Variants in PKD1L1 observed in about 807,000 individuals in gnomAD.
PKD1L1 encodes polycystin 1 like 1, transient receptor potential channel interacting.
A neutral mutation model predicts 323.4 loss-of-function variants in PKD1L1; 236 were observed. That is an observed-to-expected ratio of 0.73 (90% CI 0.66 to 0.81). The LOEUF is 0.81. PKD1L1 is among the 40% of genes least tolerant of loss of function. The pLI is 0.00. For missense variants in PKD1L1, 3,320 were observed against 3,508.0 expected, an observed-to-expected ratio of 0.95 and a Z score of 1.35; for synonymous variants, 1,344 against 1,335.0, an observed-to-expected ratio of 1.01 and a Z score of -0.15.
chr7:47,896,874 T>A (rs1316322604), intron 14 of PKD1L1, among the ~76,000 whole-genome samples: 1 of 152,184 alleles, frequency 6.6e-6, no homozygotes, highest in Non-Finnish European at 1.5e-5. Flanking sequence ...CAGCCTCTAA[T>A]GACTTCTCAC....
chr7:47,923,923 G>A (rs917622989), intron 7 of PKD1L1, among the ~76,000 whole-genome samples: 7 of 151,536 alleles, frequency 4.6e-5, no homozygotes, highest in Admixed American at 2.0e-4. Flanking sequence ...ATGCTGGAGA[G>A]AATTTAACAA....
intron 1 of PKD1L1, among the ~76,000 whole-genome samples, chr7:47,945,823 A>G (rs1788082330): frequency 1.3e-5 from 2 of 152,076 alleles, no homozygotes; most frequent in Non-Finnish European, 2.9e-5. Context: ...CACCCCCACA[A>G]CAGGATAACT....
chr7:47,935,649 G>C (rs1427159146), intron 4 of PKD1L1, among the ~76,000 whole-genome samples: 1 of 152,232 alleles, frequency 6.6e-6, no homozygotes, highest in Non-Finnish European at 1.5e-5. Context: ...CCTAGGGGCT[G>C]AATCATGTGC....
chr7:47,798,745 ACT>A (rs1289707343), intron 54 of PKD1L1, among the ~76,000 whole-genome samples: 2 of 117,872 alleles, frequency 1.7e-5, no homozygotes, highest in Admixed American at 1.9e-4. Context: ...ACAGAGTGAG[ACT>A]CTGTCTCAAA....
In PKD1L1 at chr7:47,843,187, G is replaced by C; in HGVS notation, c.5238-18C>G. 4.4e-6 allele frequency: 7 copies of C among 1,573,952 alleles called. No individual in the cohort carries two copies. The highest frequency in any genetic ancestry group is 5.2e-6 in the Non-Finnish European group (6 of 1,153,102). Reference sequence around the variant, plus strand: ...CTGGGTGGCTATAAACAAAAGGAGAGATATAAAGAAAATTGCTCATGAAAA... The same window carrying C: ...CTGGGTGGCTATAAACAAAAGGAGACATATAAAGAAAATTGCTCATGAAAA... On this transcript the variant is annotated intron_variant, in intron 33 of 56. Transcript: ENST00000289672.
intron 49 of PKD1L1, among the ~76,000 whole-genome samples, chr7:47,812,707 C>T (rs573104376): frequency 6.6e-6 from 1 of 152,194 alleles, no homozygotes; most frequent in South Asian, 2.1e-4. Context: ...AACATGGGGT[C>T]GTGCTTGTTA....
At position 47,908,210 on chromosome 7, in the gene PKD1L1, A is replaced by G. The variant is rs1787248046; in HGVS notation, c.1269T>C (p.Phe423=). 6.2e-7 allele frequency: 1 copy of G among 1,614,116 alleles called. No individual in the cohort carries two copies. The highest frequency in any genetic ancestry group is 1.3e-5 in the African/African-American group (1 of 74,948). Residue 423 remains phenylalanine, a synonymous_variant, in exon 9 of 57, where the codon TTT becomes TTC. Coordinates refer to ENST00000289672, the MANE Select transcript of PKD1L1 (RefSeq NM_138295.5). Reference sequence around the variant, plus strand: ...GCCCAAGCTCCACTTCGGTTCCATGAAACTCGTTATAAATAACAGCCTTGA... The same window carrying G: ...GCCCAAGCTCCACTTCGGTTCCATGGAACTCGTTATAAATAACAGCCTTGA... The part of the protein sequence containing the change: ...YMLKAVIYNE[F]HGTEVELGPY...
intron 21 of PKD1L1, among the ~76,000 whole-genome samples, chr7:47,880,284 A>ATTTTTTTTTTTTTTTTTT (rs35198089): frequency 2.1e-4 from 12 of 56,772 alleles, no homozygotes; most frequent in African/African-American, 5.3e-4. Flanking sequence ...ATATATATAT[A>ATTTTTTTTTTTTTTTTTT]TTTTTTTTTT....
rs368231946 is a variant in PKD1L1, at chr7:47,815,445, G to A, written c.6978C>T (p.Asn2326=). The change falls in exon 47 of 57, where the codon AAC becomes AAT. Residue 2326 remains asparagine (N), a synonymous_variant. Transcript: ENST00000289672. ...CGATGTTTCTCAGGCCACCCAAGCA[G>A]TTTCTGGCATTTCTTAATGCAAGAA... The part of the protein sequence containing the change: ...IRKEFTRNAR[N]CLGGLRNIAD... 5.3e-5 allele frequency: 85 copies of A among 1,613,464 alleles called. No individual in the cohort carries two copies. The highest frequency in any genetic ancestry group is 3.3e-4 in the Middle Eastern group (2 of 6,080).
At chr7:47,824,010 T>G (rs183909805) in intron 45 of PKD1L1, among the ~76,000 whole-genome samples, 1 of 152,352 alleles carries the variant, frequency 6.6e-6, no homozygotes, top group East Asian at 1.9e-4. Context: ...AATGTGAGCC[T>G]CTTCAAACTG....
chr7:47,895,821 G>A (rs1786923240), intron 14 of PKD1L1, among the ~76,000 whole-genome samples: 1 of 152,164 alleles, frequency 6.6e-6, no homozygotes, highest in Non-Finnish European at 1.5e-5. Flanking sequence ...CATAGTTAAG[G>A]CTTGAGGAAT....
intron 12 of PKD1L1, among the ~76,000 whole-genome samples, chr7:47,903,396 A>G (rs1313717378): frequency 1.3e-5 from 2 of 152,164 alleles, no homozygotes; most frequent in Non-Finnish European, 2.9e-5. Context: ...CAGGGCACAA[A>G]AGGGCTTCTG....
intron 15 of PKD1L1, among the ~76,000 whole-genome samples, chr7:47,893,051 T>A (rs1436170082): frequency 6.6e-6 from 1 of 151,478 alleles, no homozygotes; most frequent in South Asian, 2.1e-4. Context: ...GCCAACATGG[T>A]GAAACCCATC....
chr7:47,776,805 C>T (rs4339543), intron 56 of PKD1L1, among the ~76,000 whole-genome samples: 18 of 152,016 alleles, frequency 1.2e-4, no homozygotes, highest in Non-Finnish European at 2.1e-4. Context: ...GACATTGCTC[C>T]GCAATAAAAT....
intron 28 of PKD1L1, 117 bp downstream of exon 28, chr7:47,857,488 A>G: frequency 2.5e-6 from 2 of 813,780 alleles, no homozygotes; most frequent in Non-Finnish European, 3.9e-6. Flanking sequence ...AGAGGGTGCA[A>G]ACATGCAAAA....
chr7:47,941,843 T>TA (rs1190800884), intron 2 of PKD1L1, among the ~76,000 whole-genome samples: 8 of 152,006 alleles, frequency 5.3e-5, no homozygotes, highest in African/African-American at 1.9e-4. Context: ...AAGAAATAAA[T>TA]AAAAAATCAT....
At position 47,922,684 on chromosome 7, in the gene PKD1L1, C is replaced by T. The variant is rs1390807093; in HGVS notation, c.1060+6520G>A. On this transcript the variant is annotated intron_variant, in intron 7 of 56. Transcript: ENST00000289672. ...GAGCCCCTCCGCCCGGCAGCTGCCC[C>T]GTCTGGGAAGTGAGGAGCGTCTCCG... is the stretch of plus-strand genomic sequence containing the variant. 2.6e-5 allele frequency among the ~76,000 whole-genome samples: 4 copies of T among 151,594 alleles called. No homozygotes were observed. The East Asian group carries it at 5.8e-4, about 22-fold the overall frequency.
chr7:47,869,328 C>G (rs1303393522), intron 24 of PKD1L1, among the ~76,000 whole-genome samples: 1 of 152,060 alleles, frequency 6.6e-6, no homozygotes. Flanking sequence ...GATTGTAAGA[C>G]TATACACAAA....
In PKD1L1 at chr7:47,846,920, G is replaced by A. The variant is rs1299493381; in HGVS notation, c.5112C>T (p.Phe1704=). 6.2e-7 allele frequency: 1 copy of A among 1,613,218 alleles called. No individual in the cohort carries two copies. The highest frequency in any genetic ancestry group is 1.3e-5 in the African/African-American group (1 of 74,854). The change falls in exon 32 of 57, where the codon TTC becomes TTT. Residue 1704 remains phenylalanine (F), a synonymous_variant. Transcript: ENST00000289672. Reference sequence around the variant, plus strand: ...CAGGAGAAGTCCCTGGTTGTGGAGAGAAACGTTCAGATTTCCACTCTCTCT... The same window carrying A: ...CAGGAGAAGTCCCTGGTTGTGGAGAAAAACGTTCAGATTTCCACTCTCTCT... ...WDKREWKSER[F]SPQPGTSPEK...
Sources: gnomAD v4.1 joint callset for allele counts (sites outside exome capture counted in the v4.1 genomes callset) on GRCh38, gnomAD v4.1.1 for gene constraint, MANE v1.5 for transcripts, NCBI Gene and HGNC (gene_info 2026-07-23, HGNC 2026-07-21) for gene names.